The following TRIM37 variants were observed in gnomAD, a reference collection of about 807,000 sequenced individuals.
TRIM37 encodes the protein E3 ubiquitin-protein ligase TRIM37.
A neutral mutation model predicts 129.8 loss-of-function variants in TRIM37; 80 were observed. That is an observed-to-expected ratio of 0.62 (90% CI 0.51 to 0.74). The LOEUF (loss-of-function observed/expected upper bound fraction) is 0.74. Ranked by LOEUF, TRIM37 falls within the 30% of genes least tolerant of loss-of-function variation. The probability of loss-of-function intolerance (pLI) is 0.00; values close to 1 mark genes in which losing one functional copy is unlikely to be tolerated. For missense variants in TRIM37, 1,054 were observed against 1,176.5 expected, an observed-to-expected ratio of 0.90 and a Z score of 1.52; for synonymous variants, 389 against 387.1, an observed-to-expected ratio of 1.00 and a Z score of -0.06.
downstream of TRIM37, among the ~76,000 whole-genome samples, chr17:58,994,275 C>G (rs118044367): frequency 4.7e-3 from 709 of 152,202 alleles, 7 homozygotes; most frequent in Middle Eastern, 0.014. Flanking sequence ...GTTAACTATA[C>G]AGTCAGCCCT....
intron 2 of TRIM37, among the ~76,000 whole-genome samples, chr17:59,092,347 C>T (rs975732823): frequency 1.3e-5 from 2 of 150,278 alleles, no homozygotes; most frequent in Non-Finnish European, 3.0e-5. Context: ...TGCAGTGAGC[C>T]GAGATCCTGC....
At chr17:58,980,434 A>G, downstream of TRIM37, 2 of 1,614,202 alleles carry the variant, frequency 1.2e-6, no homozygotes, top group Non-Finnish European at 1.7e-6. The surrounding 1 kb of genome is among the most constrained non-coding windows in gnomAD (Gnocchi z 4.7). Flanking sequence ...GCCTGAGCCC[A>G]GGGTCCCAAA....
At chr17:58,980,233 C>A (rs1171366402), downstream of TRIM37, 4 of 1,614,134 alleles carry the variant, frequency 2.5e-6, no homozygotes, top group Admixed American at 3.3e-5. The surrounding 1 kb of genome is among the most constrained non-coding windows in gnomAD (Gnocchi z 4.7). Flanking sequence ...TCCTGAGGGA[C>A]ATGAACAAAG....
At chr17:59,089,223 C>T (rs539729743) in intron 3 of TRIM37, among the ~76,000 whole-genome samples, 15 of 152,312 alleles carry the variant, frequency 9.8e-5, no homozygotes, top group African/African-American at 3.6e-4. Context: ...CTCTGCACTC[C>T]AGCCTGGGGA....
rs201217878 is a variant in TRIM37, at chr17:59,081,143, T to C, written c.446A>G (p.Lys149Arg). ...CAGTTCCATGAGACGCCGACGAAGT[T>C]TGGCTACCTCTTCATTCACTTTAGT... ...HVTKVNEEVAKLRRRLMELIS... is the reference protein window; with the variant it reads ...HVTKVNEEVARLRRRLMELIS... Residue 149 changes from lysine (K) to arginine (R), a missense_variant, in exon 6 of 24, where the codon AAA (lysine) becomes AGA (arginine). Transcript: ENST00000262294. 7 of 1,613,922 alleles carry C rather than the reference T, an allele frequency of 4.3e-6. No homozygotes were observed. The highest frequency in any genetic ancestry group is 4.0e-5 in the African/African-American group (3 of 75,052).
chr17:59,097,482 G>A (rs2045011249), intron 2 of TRIM37, among the ~76,000 whole-genome samples: 1 of 151,844 alleles, frequency 6.6e-6, no homozygotes, highest in East Asian at 1.9e-4. Flanking sequence ...AGCTTGCAAT[G>A]AACAATCTAA....
chr17:58,983,558 A>G (rs568575664), intron 24 of TRIM37: 1 of 152,756 alleles, frequency 6.5e-6, no homozygotes, highest in South Asian at 2.1e-4. Flanking sequence ...AATGGTATCT[A>G]CATATTTCTG....
intron 2 of TRIM37, among the ~76,000 whole-genome samples, chr17:59,100,407 C>T (rs1359395913): frequency 6.6e-6 from 1 of 152,108 alleles, no homozygotes; most frequent in Non-Finnish European, 1.5e-5. Context: ...TGGAATACTA[C>T]TTAGCAATAA....
the TRIM37 span, among the ~76,000 whole-genome samples, chr17:58,968,086 G>A: frequency 6.6e-6 from 1 of 152,134 alleles, no homozygotes; most frequent in Admixed American, 6.6e-5. Flanking sequence ...ACAGGTGTGA[G>A]CCACCGCACC....
chr17:59,024,156 G>A (rs1456496032), intron 19 of TRIM37, among the ~76,000 whole-genome samples: 3 of 144,348 alleles, frequency 2.1e-5, no homozygotes, highest in Non-Finnish European at 4.5e-5. Context: ...GGAGGTTGCA[G>A]TGAGCCGAGA....
intron 14 of TRIM37, among the ~76,000 whole-genome samples, chr17:59,050,564 C>T (rs759782145): frequency 5.9e-5 from 9 of 151,988 alleles, no homozygotes; most frequent in Non-Finnish European, 8.8e-5. Context: ...TGCTCGTAGT[C>T]CCAGCTACCT....
intron 9 of TRIM37, among the ~76,000 whole-genome samples, chr17:59,067,909 T>C (rs901879226): frequency 6.6e-6 from 1 of 152,214 alleles, no homozygotes; most frequent in Admixed American, 6.5e-5. Context: ...CTTTAATAAA[T>C]AACACTTCAC....
At chr17:59,049,937 G>C (rs1185986325) in intron 14 of TRIM37, among the ~76,000 whole-genome samples, 1 of 152,154 alleles carries the variant, frequency 6.6e-6, no homozygotes, top group Non-Finnish European at 1.5e-5. Context: ...TTAGCAAACA[G>C]TATAGTGAAT....
intron 4 of TRIM37, chr17:59,087,986 A>G: frequency 1.8e-6 from 1 of 546,556 alleles, no homozygotes; most frequent in Non-Finnish European, 3.3e-6. Context: ...TGTCCCCATT[A>G]AACAGTTAAC....
At chr17:59,052,614 T>A (rs1174940714) in intron 13 of TRIM37, among the ~76,000 whole-genome samples, 1 of 152,040 alleles carries the variant, frequency 6.6e-6, no homozygotes, top group Non-Finnish European at 1.5e-5. Flanking sequence ...TGGGCATCAT[T>A]ATATGTTATA....
At chr17:59,072,602 G>C (rs888075199) in intron 8 of TRIM37, among the ~76,000 whole-genome samples, 1 of 151,966 alleles carries the variant, frequency 6.6e-6, no homozygotes, top group African/African-American at 2.4e-5. Flanking sequence ...ATAACAATTA[G>C]CTGGGCGTGG....
At chr17:59,047,472 A>G (rs2039938594) in intron 16 of TRIM37, among the ~76,000 whole-genome samples, 1 of 152,218 alleles carries the variant, frequency 6.6e-6, no homozygotes, top group Admixed American at 6.5e-5. Flanking sequence ...AACTTTTCTT[A>G]AGTATAAAAT....
chr17:58,974,215 C>A, the TRIM37 span, among the ~76,000 whole-genome samples: 1 of 152,084 alleles, frequency 6.6e-6, no homozygotes, highest in Non-Finnish European at 1.5e-5. Context: ...AGCCTTTCTC[C>A]GTATTTTATC....
At chr17:58,982,127 T>C (rs541228388), downstream of TRIM37, 1 of 152,772 alleles carries the variant, frequency 6.5e-6, no homozygotes, top group East Asian at 1.9e-4. Flanking sequence ...AGAATGCAGA[T>C]TACTGACAGC....
Sources: gnomAD v4.1 joint callset for allele counts (sites outside exome capture counted in the v4.1 genomes callset) on GRCh38, gnomAD v4.1.1 for gene constraint, Gnocchi (gnomAD v3.1) non-coding constraint, MANE v1.5 for transcripts, NCBI Gene and HGNC (gene_info 2026-07-23, HGNC 2026-07-21) for gene names.